Variants in CDH4 observed in about 807,000 individuals in gnomAD.
CDH4 encodes the protein cadherin-4.
A neutral mutation model predicts 86.0 loss-of-function variants in CDH4; 33 were observed. The ratio of observed to expected loss-of-function variants is 0.38; its 90% confidence interval spans 0.29 to 0.51. The LOEUF (loss-of-function observed/expected upper bound fraction) is 0.51, where lower values mean the gene tolerates loss of function less well. Ranked by LOEUF, CDH4 falls within the 20% of genes least tolerant of loss-of-function variation. The probability of loss-of-function intolerance (pLI) is 0.86; values close to 1 mark genes in which losing one functional copy is unlikely to be tolerated. For missense variants in CDH4, 1,114 were observed against 1,307.4 expected, an observed-to-expected ratio of 0.85 and a Z score of 2.28; for synonymous variants, 555 against 549.4, an observed-to-expected ratio of 1.01 and a Z score of -0.14.
At chr20:61,736,001 G>A (rs576039739) in intron 2 of CDH4, among the ~76,000 whole-genome samples, 1 of 152,326 alleles carries the variant, frequency 6.6e-6, no homozygotes, top group Admixed American at 6.5e-5. Flanking sequence ...TAAAGGGGGT[G>A]TCTGGGTGTG....
intron 2 of CDH4, among the ~76,000 whole-genome samples, chr20:61,665,761 C>T (rs888336840): frequency 1.3e-5 from 2 of 152,154 alleles, no homozygotes; most frequent in African/African-American, 2.4e-5. Flanking sequence ...GATTTATCTC[C>T]GACCTTTGAG....
In CDH4 at chr20:61,811,825, C is replaced by A. The variant is rs1037618487; in HGVS notation, c.577-32843C>A. ...TAGCTGGTACTACAGGCACACGTCA[C>A]CATGCCCGGTTAATTTTTGTATTTT... On this transcript the variant is annotated intron_variant, in intron 4 of 15. Coordinates refer to ENST00000614565, the MANE Select transcript of CDH4 (RefSeq NM_001794.5). This position sits in a 1 kb window ranked among gnomAD's most constrained non-coding sequence, Gnocchi z 4.4. Among the ~76,000 whole-genome samples, 2 of 152,078 alleles carry A rather than the reference C, an allele frequency of 1.3e-5. No homozygotes were observed. Among genetic ancestry groups the A allele is most frequent in the African/African-American group, 2.4e-5 (1 of 41,398 alleles).
At chr20:61,882,688 G>T (rs1018418738) in intron 7 of CDH4, among the ~76,000 whole-genome samples, 1 of 152,186 alleles carries the variant, frequency 6.6e-6, no homozygotes, top group Admixed American at 6.5e-5. Context: ...ACTTCCTCTA[G>T]GTCTATCAAA....
At chr20:61,458,659 T>C (rs1489245284) in intron 2 of CDH4, among the ~76,000 whole-genome samples, 1 of 152,046 alleles carries the variant, frequency 6.6e-6, no homozygotes, top group African/African-American at 2.4e-5. Flanking sequence ...ATGGTGATAA[T>C]GGTAATGATA....
intron 3 of CDH4, among the ~76,000 whole-genome samples, chr20:61,748,520 A>T (rs1201277642): frequency 6.6e-6 from 1 of 152,276 alleles, no homozygotes; most frequent in African/African-American, 2.4e-5. Context: ...AAACAAAAAT[A>T]AAACAAGTTG....
intron 2 of CDH4, among the ~76,000 whole-genome samples, chr20:61,554,026 G>T (rs1350478538): frequency 3.3e-5 from 5 of 152,164 alleles, no homozygotes; most frequent in African/African-American, 9.7e-5. Flanking sequence ...GAGCACCCAC[G>T]GTTCAGAGCA....
At chr20:61,833,631 T>C (rs903469297) in intron 4 of CDH4, among the ~76,000 whole-genome samples, 4 of 152,048 alleles carry the variant, frequency 2.6e-5, no homozygotes, top group African/African-American at 9.7e-5. Flanking sequence ...TACTCAGCCT[T>C]CATTACTGAC....
intron 2 of CDH4, among the ~76,000 whole-genome samples, chr20:61,356,489 A>G (rs1471754659): frequency 1.3e-5 from 2 of 152,168 alleles, no homozygotes; most frequent in African/African-American, 4.8e-5. Flanking sequence ...GCTTGCTTTT[A>G]TCTCCTCACC....
intron 4 of CDH4, 41 bp downstream of exon 4, chr20:61,773,223 T>C: frequency 2.7e-6 from 4 of 1,483,340 alleles, no homozygotes; most frequent in Non-Finnish European, 3.6e-6. Flanking sequence ...GGTCTCGGCG[T>C]TAGCAGTAGG....
At chr20:61,431,816 C>A (rs1334144903) in intron 2 of CDH4, among the ~76,000 whole-genome samples, 1 of 152,198 alleles carries the variant, frequency 6.6e-6, no homozygotes, top group African/African-American at 2.4e-5. Context: ...TCCCCCATCC[C>A]CTGGCAACCG....
At chr20:61,383,354 TATG>T (rs1459446886) in intron 2 of CDH4, among the ~76,000 whole-genome samples, 1,390 of 84,478 alleles carry the variant, frequency 0.016, 297 homozygotes, top group African/African-American at 0.09. Flanking sequence ...TATGAATATA[TATG>T]GATATATATG....
chr20:61,639,374 C>T (rs974323010), intron 2 of CDH4, among the ~76,000 whole-genome samples: 49 of 152,310 alleles, frequency 3.2e-4, no homozygotes, highest in African/African-American at 1.0e-3. Flanking sequence ...GCCAGCAGGG[C>T]GGCTCAGCAT....
chr20:61,824,862 A>G (rs1981237847), intron 4 of CDH4, among the ~76,000 whole-genome samples: 1 of 152,206 alleles, frequency 6.6e-6, no homozygotes, highest in South Asian at 2.1e-4. Flanking sequence ...AAGACCACAA[A>G]GTGAATTTAA....
At chr20:61,745,234 T>C (rs1271032985) in intron 3 of CDH4, among the ~76,000 whole-genome samples, 1 of 152,174 alleles carries the variant, frequency 6.6e-6, no homozygotes, top group African/African-American at 2.4e-5. Flanking sequence ...TCATGACTCA[T>C]GTGCTGTGTA....
rs928281676 is a variant in CDH4 at position 61,701,036 on chromosome 20, C to T, written c.170-42527C>T. Among the ~76,000 whole-genome samples the T allele has an allele frequency of 4.6e-5, 7 of 152,286 alleles. 1 individual carries two copies. Among genetic ancestry groups the T allele is most frequent in the Admixed American group, 6.5e-5 (1 of 15,292 alleles). ...GCTCTGGAGGATGGAAGCTTAAAGC[C>T]GAGGCATCGGCAGGGGTGGTTTGAC... On this transcript the variant is annotated intron_variant, in intron 2 of 15. Coordinates refer to ENST00000614565, the MANE Select transcript of CDH4 (RefSeq NM_001794.5).
At chr20:61,570,703 G>A in intron 2 of CDH4, 1 of 702,400 alleles carries the variant, frequency 1.4e-6, no homozygotes, top group Non-Finnish European at 2.6e-6. Flanking sequence ...CGATGCCAAA[G>A]TCAACAGGGA....
chr20:61,592,734 T>A (rs565481863), intron 2 of CDH4, among the ~76,000 whole-genome samples: 1 of 152,150 alleles, frequency 6.6e-6, no homozygotes, highest in East Asian at 1.9e-4. Flanking sequence ...TCCCACGCAG[T>A]CTTCTGGGCC....
chr20:61,450,012 A>C (rs1395353459), intron 2 of CDH4, among the ~76,000 whole-genome samples: 1 of 152,256 alleles, frequency 6.6e-6, no homozygotes, highest in East Asian at 1.9e-4. Context: ...TGCCGTTTGC[A>C]GCACTGCTGG....
chr20:61,735,593 C>G (rs1435855236), intron 2 of CDH4, among the ~76,000 whole-genome samples: 1 of 152,158 alleles, frequency 6.6e-6, no homozygotes, highest in South Asian at 2.1e-4. Context: ...TCCCGGCCAG[C>G]GCCTTCGGGG....
Sources: allele counts gnomAD v4.1 joint callset (sites outside exome capture counted in the v4.1 genomes callset), GRCh38; gene constraint gnomAD v4.1.1; non-coding constraint Gnocchi (gnomAD v3.1); transcripts MANE v1.5; gene names NCBI Gene and HGNC (gene_info 2026-07-23, HGNC 2026-07-21).